Variants in LPIN2 observed in about 807,000 individuals in gnomAD.
LPIN2 encodes lipin 2.
LPIN2 carries 55 observed loss-of-function variants against 111.4 expected under a neutral mutation model. The observed-to-expected ratio is 0.49, with a 90% CI of 0.40 to 0.62. The LOEUF (loss-of-function observed/expected upper bound fraction) is 0.62. Among genes scored for constraint, LPIN2 ranks in the 20% least tolerant of loss-of-function variants. The pLI is 0.00. For missense variants in LPIN2, 992 were observed against 1,112.1 expected (o/e 0.89, Z 1.54); for synonymous variants, 425 against 414.0 (o/e 1.03, Z -0.32).
At chr18:2,965,456 C>T (rs1045090188) in intron 1 of LPIN2, among the ~76,000 whole-genome samples, 6 of 152,046 alleles carry the variant, frequency 3.9e-5, no homozygotes, top group African/African-American at 7.2e-5. Flanking sequence ...GGGCCAGGCG[C>T]GGTGGCTCAC....
At chr18:2,931,550 A>G in intron 8 of LPIN2, 107 bp from the exon 9 acceptor site, 1 of 1,042,884 alleles carries the variant, frequency 9.6e-7, no homozygotes, top group Non-Finnish European at 1.4e-6. Context: ...ATCCGCTAAA[A>G]AGAACGGATG....
At chr18:2,999,016 T>C (rs921974498) in intron 1 of LPIN2, among the ~76,000 whole-genome samples, 6 of 152,236 alleles carry the variant, frequency 3.9e-5, no homozygotes, top group Admixed American at 3.9e-4. Flanking sequence ...TCCTAAGAGT[T>C]TCTTTCTGAT....
Position 2,920,297 on chromosome 18 carries a change from G to A in LPIN2, c.2687C>T (p.Ser896Phe), listed in dbSNP as rs760700353. The change falls in exon 20 of 20, where the codon TCT becomes TTT. Residue 896 changes from serine (S) to phenylalanine (F), a missense_variant. Ser to Phe is a radical substitution (Grantham distance 155). Coordinates refer to ENST00000677752, the MANE Select transcript of LPIN2 (RefSeq NM_001375808.2). ...CCCACCCACTGAGGTGCCGCCTCAA[G>A]ACAGGTCATCCAGGTCCACTTCAGG... ...PIPEVDLDDL[S>F] is the part of the protein sequence containing the mutation. 11 of 1,614,154 alleles carry A rather than the reference G, an allele frequency of 6.8e-6. No homozygotes were observed. The Admixed American group carries it at 1.0e-4, about 15-fold the overall frequency.
chr18:2,981,308 A>G (rs1055470973), intron 1 of LPIN2, among the ~76,000 whole-genome samples: 1 of 152,258 alleles, frequency 6.6e-6, no homozygotes, highest in Non-Finnish European at 1.5e-5. Context: ...GCTACTAAGC[A>G]GATATCAGAT....
chr18:2,966,378 T>C (rs1461216023), intron 1 of LPIN2, among the ~76,000 whole-genome samples: 1 of 152,246 alleles, frequency 6.6e-6, no homozygotes, highest in Non-Finnish European at 1.5e-5. Context: ...ACGTCTCTCA[T>C]GTGTCAAGTG....
intron 1 of LPIN2, among the ~76,000 whole-genome samples, chr18:2,962,529 TAA>T (rs553557826): frequency 6.6e-6 from 1 of 150,624 alleles, no homozygotes; most frequent in Non-Finnish European, 1.5e-5. Context: ...ATAAGAAACA[TAA>T]AAAAAAAGTG....
At chr18:2,983,794 G>GT (rs879257107) in intron 1 of LPIN2, among the ~76,000 whole-genome samples, 198 of 149,930 alleles carry the variant, frequency 1.3e-3, no homozygotes, top group African/African-American at 3.9e-3. Flanking sequence ...CTTTTACCTA[G>GT]TTTTTTTTTT....
At chr18:2,991,032 T>G (rs1184014012) in intron 1 of LPIN2, 4 of 568,898 alleles carry the variant, frequency 7.0e-6, no homozygotes, top group Non-Finnish European at 1.4e-5. Context: ...GACCTCTTGC[T>G]TGTCCCATGA....
At chr18:2,938,067 A>T in intron 6 of LPIN2, 30 bp from the exon 7 acceptor site, 1 of 1,529,628 alleles carries the variant, frequency 6.5e-7, no homozygotes, top group South Asian at 1.1e-5. Context: ...TAAAAATTAA[A>T]CTACTTTCAG....
At chr18:3,003,862 T>C (rs1044363845) in intron 1 of LPIN2, among the ~76,000 whole-genome samples, 1 of 152,226 alleles carries the variant, frequency 6.6e-6, no homozygotes, top group Non-Finnish European at 1.5e-5. Flanking sequence ...CAGCCATATT[T>C]TTCTTCTTGC....
chr18:2,929,544 G>A (rs1044364659), intron 9 of LPIN2, among the ~76,000 whole-genome samples: 2 of 152,166 alleles, frequency 1.3e-5, no homozygotes, highest in East Asian at 3.8e-4. Context: ...GACAGGCAAC[G>A]GCATAACTGG....
intron 1 of LPIN2, among the ~76,000 whole-genome samples, chr18:2,995,892 C>T (rs1406085463): frequency 1.3e-5 from 2 of 152,146 alleles, no homozygotes; most frequent in Non-Finnish European, 2.9e-5. Flanking sequence ...CCCTAAAGTG[C>T]AAAGTACATT....
intron 4 of LPIN2, among the ~76,000 whole-genome samples, chr18:2,942,029 G>C (rs1446595164): frequency 6.6e-6 from 1 of 152,224 alleles, no homozygotes; most frequent in Admixed American, 6.5e-5. Flanking sequence ...AAATGTAAAT[G>C]AGAATATCCA....
intron 1 of LPIN2, among the ~76,000 whole-genome samples, chr18:2,994,595 AT>A (rs2078313602): frequency 6.6e-6 from 1 of 152,226 alleles, no homozygotes; most frequent in Admixed American, 6.5e-5. Context: ...CCCCTCGAAC[AT>A]TTATCTTTTC....
intron 2 of LPIN2, among the ~76,000 whole-genome samples, chr18:2,957,375 G>A (rs569127212): frequency 4.6e-5 from 7 of 152,264 alleles, no homozygotes; most frequent in South Asian, 2.1e-4. Context: ...CACTTCAGAC[G>A]TCAGATTTTC....
Position 2,960,716 on chromosome 18 carries a change from C to T in LPIN2, c.125G>A (p.Ser42Asn), listed in dbSNP as rs201473097. Residue 42 changes from serine (S) to asparagine (N), a missense_variant, in exon 2 of 20, where the codon AGC becomes AAC. Physicochemically the swap from Ser to Asn is conservative, Grantham distance 46. Transcript: ENST00000677752. ...AACGTGAAAAGGTGAACACTGATAG[C>T]TGCCATCCTGCTGCTGTACCACGAT... ...DVIVVQQQDG[S>N]YQCSPFHVRF... The T allele has an allele frequency of 1.9e-6, 3 of 1,614,086 alleles. No homozygotes were observed. The highest frequency in any genetic ancestry group is 1.7e-5 in the Admixed American group (1 of 60,022).
At chr18:2,933,885 G>A (rs570589068) in intron 8 of LPIN2, among the ~76,000 whole-genome samples, 3 of 152,336 alleles carry the variant, frequency 2.0e-5, no homozygotes, top group South Asian at 2.1e-4. Context: ...GTGGGGACAC[G>A]GGGCGCGGGG....
chr18:2,921,687 G>T, intron 17 of LPIN2, 40 bp from the exon 18 acceptor site: 2 of 1,448,572 alleles, frequency 1.4e-6, no homozygotes, highest in South Asian at 1.1e-5. Context: ...ATCTCAAAAT[G>T]GTCGTTTTCC....
chr18:2,960,871 TGAG>T, intron 1 of LPIN2, 22 bp from the exon 2 acceptor site: 1 of 1,589,780 alleles, frequency 6.3e-7, no homozygotes, highest in South Asian at 1.1e-5. Flanking sequence ...AAAAATTAGA[TGAG>T]ATGTTAACAC....
Sources: gnomAD v4.1 joint callset for allele counts (sites outside exome capture counted in the v4.1 genomes callset) on GRCh38, gnomAD v4.1.1 for gene constraint, MANE v1.5 for transcripts, NCBI Gene and HGNC (gene_info 2026-07-23, HGNC 2026-07-21) for gene names.